Variants in CYB5R4 observed in about 807,000 individuals in gnomAD.
The protein encoded by CYB5R4 is cytochrome b5 reductase 4.
Under a neutral mutation model 70.2 loss-of-function variants are expected in CYB5R4, and 55 were observed. The ratio of observed to expected loss-of-function variants is 0.78; its 90% CI spans 0.63 to 0.98. The LOEUF (loss-of-function observed/expected upper bound fraction) is 0.98, where lower values mean the gene tolerates loss of function less well. Ranked by LOEUF, CYB5R4 falls within the 50% of genes least tolerant of loss-of-function variation. The pLI is 0.00. For synonymous variants in CYB5R4, 197 were observed against 199.5 expected (o/e 0.99, Z 0.11); for missense variants, 562 against 612.6 (o/e 0.92, Z 0.87).
chr6:83,894,322 A>G (rs2099461548), intron 3 of CYB5R4, among the ~76,000 whole-genome samples: 1 of 152,128 alleles, frequency 6.6e-6, no homozygotes, highest in South Asian at 2.1e-4. Flanking sequence ...TGTCTCATAT[A>G]TGCTTTATTT....
intron 5 of CYB5R4, 28 bp downstream of exon 5, chr6:83,914,476 A>G (rs368513918): frequency 5.3e-5 from 78 of 1,483,824 alleles, no homozygotes; most frequent in Admixed American, 4.3e-4. Context: ...TAATAAATGA[A>G]TCATATTCAC....
At chr6:83,895,052 G>A (rs2099461647) in intron 3 of CYB5R4, among the ~76,000 whole-genome samples, 1 of 152,174 alleles carries the variant, frequency 6.6e-6, no homozygotes, top group Admixed American at 6.5e-5. Flanking sequence ...TTGGAGAAGA[G>A]TCATGTTTAC....
At chr6:83,882,897 C>T (rs2099459687) in intron 2 of CYB5R4, among the ~76,000 whole-genome samples, 1 of 152,014 alleles carries the variant, frequency 6.6e-6, no homozygotes. Context: ...TCACCTGAGC[C>T]CTGGAAGCAG....
At position 83,946,404 on chromosome 6, in the gene CYB5R4, A is replaced by G. The variant is rs894776558; in HGVS notation, c.1346+5803A>G. Among the ~76,000 whole-genome samples, 18 of 152,308 alleles carry G rather than the reference A, an allele frequency of 1.2e-4. No homozygotes were observed. In the East Asian group the frequency reaches 2.5e-3, roughly 21 times the overall value. On this transcript the variant is annotated intron_variant, in intron 14 of 15. Coordinates refer to ENST00000369681, the MANE Select transcript of CYB5R4 (RefSeq NM_016230.4). ...CATGCTAAAAACACTCAAACTAGGT[A>G]TTGATGGAACATATCTTAAAGTAAT...
chr6:83,932,380 G>C (rs1048979743), intron 10 of CYB5R4, among the ~76,000 whole-genome samples: 1 of 152,186 alleles, frequency 6.6e-6, no homozygotes, highest in Non-Finnish European at 1.5e-5. Flanking sequence ...GAGTTGCATA[G>C]TTACTATAGC....
At chr6:83,955,570 T>C (rs2099472202) in intron 15 of CYB5R4, 108 bp downstream of exon 15, 1 of 1,052,764 alleles carries the variant, frequency 9.5e-7, no homozygotes, top group African/African-American at 1.6e-5. Flanking sequence ...ACTTTAATAA[T>C]CTTACAGTTT....
In CYB5R4 at chr6:83,864,323, T is replaced by C. The variant is rs1419007610; in HGVS notation, c.224T>C (p.Ile75Thr). 6.2e-7 allele frequency: 1 copy of C among 1,610,828 alleles called. No homozygotes were observed. The highest frequency in any genetic ancestry group is 1.1e-5 in the South Asian group (1 of 90,234). Residue 75 changes from isoleucine to threonine, a missense_variant, in exon 2 of 16, where the codon ATA becomes ACA. Transcript: ENST00000369681. ...AAAAAAGATGATTGTTGGATATGCATAAGAGGTAGGTGGTATTTATTAAGT... is the reference window on the plus strand; with the variant it reads ...AAAAAAGATGATTGTTGGATATGCACAAGAGGTAGGTGGTATTTATTAAGT... ...HNKKDDCWIC[I>T]RGFVYNVSPY...
intron 10 of CYB5R4, among the ~76,000 whole-genome samples, chr6:83,930,176 C>A (rs1228729272): frequency 6.6e-6 from 1 of 152,086 alleles, no homozygotes; most frequent in Non-Finnish European, 1.5e-5. Flanking sequence ...AGTCTTGCCT[C>A]GATGCTGATG....
chr6:83,922,182 G>A (rs184449651), intron 8 of CYB5R4, among the ~76,000 whole-genome samples: 68 of 152,284 alleles, frequency 4.5e-4, no homozygotes, highest in Non-Finnish European at 8.2e-4. Context: ...TTGGACTAGC[G>A]TGGGTTACCC....
chr6:83,945,192 A>G (rs891429916), intron 14 of CYB5R4, among the ~76,000 whole-genome samples: 1 of 152,220 alleles, frequency 6.6e-6, no homozygotes, highest in African/African-American at 2.4e-5. Flanking sequence ...ACTCCTCAGC[A>G]AATGCAAAGG....
chr6:83,955,317 C>G lies in CYB5R4; in HGVS notation c.1366C>G (p.Leu456Val). ...KDKRLDVEFVLSAPISEWNGK... is the reference protein window; with the variant it reads ...KDKRLDVEFVVSAPISEWNGK... The stretch of plus-strand genomic sequence containing the variant: ...CCCTAGACTGGATGTTGAATTTGTT[C>G]TCTCAGCACCTATTTCTGAATGGAA... The change falls in exon 15 of 16, where the codon CTC becomes GTC. Residue 456 changes from leucine to valine, a missense_variant. Physicochemically the swap from Leu to Val is conservative, Grantham distance 32. Transcript: ENST00000369681. The G allele has an allele frequency of 6.2e-7, 1 of 1,611,792 alleles. No homozygotes were observed. The highest frequency in any genetic ancestry group is 8.5e-7 in the Non-Finnish European group (1 of 1,178,822).
In CYB5R4 at chr6:83,966,907, C is replaced by A. The variant is rs560258773; in HGVS notation, c.*7029C>A. 4.6e-5 allele frequency: 7 copies of A among 151,930 alleles called. No homozygotes were observed. Among genetic ancestry groups the A allele is most frequent in the Non-Finnish European group, 8.8e-5 (6 of 67,932 alleles). The allele number at this position is 151,930 out of a possible 1,614,324, so 9.4% of individuals were successfully genotyped here. On this transcript the variant is annotated 3_prime_UTR_variant, in exon 16 of 16. Coordinates refer to ENST00000369681, the MANE Select transcript of CYB5R4 (RefSeq NM_016230.4). ...CCAGAGAGTATACATCCAAAAAGACCAACATTAATATAAATTTTAGTAAAA... is the reference window on the plus strand; with the variant it reads ...CCAGAGAGTATACATCCAAAAAGACAAACATTAATATAAATTTTAGTAAAA...
At chr6:83,920,148 A>G (rs574085688) in intron 7 of CYB5R4, among the ~76,000 whole-genome samples, 1 of 152,182 alleles carries the variant, frequency 6.6e-6, no homozygotes, top group Non-Finnish European at 1.5e-5. Flanking sequence ...ACAATTTAAA[A>G]TATCTCCAAG....
intron 4 of CYB5R4, chr6:83,910,018 A>T: frequency 6.2e-7 from 1 of 1,610,556 alleles, no homozygotes; most frequent in Non-Finnish European, 8.5e-7. Flanking sequence ...AGTGGCACAT[A>T]CATGTTAAGC....
At chr6:83,867,597 C>T (rs1274747537) in intron 2 of CYB5R4, among the ~76,000 whole-genome samples, 1 of 152,124 alleles carries the variant, frequency 6.6e-6, no homozygotes, top group East Asian at 1.9e-4. Context: ...AGGATGTTGA[C>T]AAAGGTCATG....
intron 2 of CYB5R4, among the ~76,000 whole-genome samples, chr6:83,884,579 AAC>A (rs1474267341): frequency 1.3e-5 from 2 of 152,134 alleles, no homozygotes; most frequent in African/African-American, 4.8e-5. Flanking sequence ...TGCATATTTT[AAC>A]ACCTTTCCTC....
At chr6:83,873,919 G>A (rs1313391712) in intron 2 of CYB5R4, among the ~76,000 whole-genome samples, 1 of 152,100 alleles carries the variant, frequency 6.6e-6, no homozygotes, top group African/African-American at 2.4e-5. Flanking sequence ...CATTATTCCA[G>A]GCTTCAGGAA....
intron 10 of CYB5R4, 65 bp downstream of exon 10, chr6:83,924,657 T>G: frequency 6.5e-7 from 1 of 1,548,592 alleles, no homozygotes; most frequent in Non-Finnish European, 8.8e-7. Context: ...TGTACAGTTG[T>G]ACCAGAGTTT....
chr6:83,940,116 TAGA>T lies in CYB5R4; in HGVS notation c.1173_1175del (p.Glu391del). On this transcript the variant is annotated inframe_deletion, in exon 13 of 16. Transcript: ENST00000369681. ...TTTAAAATATCCAAGTTCCAAGAAT[TAGA>T]AGATCTCTTTTTGTTGGCAGCTGGA... 1 of 1,612,944 alleles carries T rather than the reference TAGA, an allele frequency of 6.2e-7. No individual in the cohort carries two copies. Among genetic ancestry groups the T allele is most frequent in the South Asian group, 1.1e-5 (1 of 90,996 alleles).
Sources: gnomAD v4.1 joint callset for allele counts (sites outside exome capture counted in the v4.1 genomes callset) on GRCh38, gnomAD v4.1.1 for gene constraint, MANE v1.5 for transcripts, NCBI Gene and HGNC (gene_info 2026-07-23, HGNC 2026-07-21) for gene names.